Variants in MEI4 observed in about 807,000 individuals in gnomAD.
MEI4 encodes the protein meiotic double-stranded break formation protein 4, also known as meiosis-specific protein MEI4.
In MEI4, 27 loss-of-function variants were observed where a neutral mutation model predicts 31.4. That is an observed-to-expected ratio of 0.86 (90% CI 0.63 to 1.19). The LOEUF is 1.19. Among genes scored for constraint, MEI4 ranks in the 50% most tolerant of loss-of-function variants. The pLI is 0.00. For missense variants in MEI4, 329 were observed against 398.9 expected (o/e 0.82, Z 1.49); for synonymous variants, 122 against 145.4 (o/e 0.84, Z 1.16).
chr6:77,777,626 C>T (rs959419427), intron 3 of MEI4, among the ~76,000 whole-genome samples: 26 of 152,110 alleles, frequency 1.7e-4, no homozygotes, highest in African/African-American at 6.3e-4. Context: ...AGTGCACAAG[C>T]CTCACCCACG....
At chr6:77,916,443 G>A (rs1321133826) in intron 4 of MEI4, among the ~76,000 whole-genome samples, 1 of 151,770 alleles carries the variant, frequency 6.6e-6, no homozygotes, top group Non-Finnish European at 1.5e-5. Flanking sequence ...CATTATTTTG[G>A]TTATATTAGG....
At chr6:77,829,310 C>T (rs1300424418) in intron 4 of MEI4, among the ~76,000 whole-genome samples, 1 of 152,220 alleles carries the variant, frequency 6.6e-6, no homozygotes, top group South Asian at 2.1e-4. Flanking sequence ...TTGGTGACAG[C>T]AAAAGAGTGC....
At chr6:77,914,508 G>A (rs1581976370) in intron 4 of MEI4, among the ~76,000 whole-genome samples, 1 of 151,888 alleles carries the variant, frequency 6.6e-6, no homozygotes, top group South Asian at 2.1e-4. Flanking sequence ...TTCTAACATG[G>A]TCAATCCTGG....
rs188484270 is a variant in MEI4 at position 77,828,570 on chromosome 6, G to T, written c.769-361G>T. Among the ~76,000 whole-genome samples the T allele has an allele frequency of 1.4e-3, 212 of 152,066 alleles. 1 individual carries two copies. The highest frequency in any genetic ancestry group is 4.5e-3 in the African/African-American group (187 of 41,506). On this transcript the variant is annotated intron_variant, in intron 3 of 4. Transcript: ENST00000684080. ...CCTGGTGCCAAAAAGAATGATAGAT[G>T]ACCTATCTATCATCTATCTGGCTAA...
intron 4 of MEI4, among the ~76,000 whole-genome samples, chr6:77,915,165 T>C (rs1766516475): frequency 1.3e-5 from 2 of 152,110 alleles, no homozygotes; most frequent in Non-Finnish European, 2.9e-5. Flanking sequence ...CTATTGTGAT[T>C]TGGCAGTTTT....
chr6:77,731,980 G>T (rs1420161294), intron 2 of MEI4, among the ~76,000 whole-genome samples: 1 of 147,328 alleles, frequency 6.8e-6, no homozygotes, highest in African/African-American at 2.6e-5. Context: ...CTGTTCCATT[G>T]ATCTATATCT....
intron 4 of MEI4, among the ~76,000 whole-genome samples, chr6:77,841,333 A>ATATATATATTTTTTTTTTTTT: frequency 1.4e-4 from 4 of 27,734 alleles, no homozygotes; most frequent in African/African-American, 1.3e-3. Flanking sequence ...ATATATATAT[A>ATATATATATTTTTTTTTTTTT]TTTTTTTTTT....
intron 1 of MEI4, among the ~76,000 whole-genome samples, chr6:77,678,664 GAT>G (rs1294344002): frequency 6.6e-6 from 1 of 151,544 alleles, no homozygotes; most frequent in East Asian, 1.9e-4. Context: ...TATGTTATTT[GAT>G]TATGTATTTA....
At chr6:77,782,355 C>T (rs757162730) in intron 3 of MEI4, among the ~76,000 whole-genome samples, 2 of 152,054 alleles carry the variant, frequency 1.3e-5, no homozygotes, top group Non-Finnish European at 2.9e-5. Flanking sequence ...AAGATATCTT[C>T]TTCATATACT....
intron 4 of MEI4, among the ~76,000 whole-genome samples, chr6:77,878,026 A>T (rs920148257): frequency 1.5e-4 from 23 of 152,238 alleles, no homozygotes; most frequent in Middle Eastern, 3.4e-3. Flanking sequence ...AATAATTAAA[A>T]TATAATTCAG....
chr6:77,851,560 G>A (rs1204727498), intron 4 of MEI4, among the ~76,000 whole-genome samples: 14 of 144,454 alleles, frequency 9.7e-5, no homozygotes, highest in Admixed American at 2.2e-4. Flanking sequence ...GCATGTTCTC[G>A]CTCATAGGTG....
chr6:77,842,479 A>C (rs1770388656), intron 4 of MEI4, among the ~76,000 whole-genome samples: 1 of 151,374 alleles, frequency 6.6e-6, no homozygotes, highest in African/African-American at 2.5e-5. Flanking sequence ...AAGAAACTAG[A>C]ATAGCAAGGA....
intron 4 of MEI4, among the ~76,000 whole-genome samples, chr6:77,901,408 A>AC (rs1261922834): frequency 2.0e-5 from 3 of 152,126 alleles, no homozygotes; most frequent in African/African-American, 7.2e-5. Context: ...AGTCATCCTA[A>AC]CAGGTATGAG....
intron 4 of MEI4, among the ~76,000 whole-genome samples, chr6:77,841,909 G>A (rs1268592611): frequency 6.6e-6 from 1 of 152,102 alleles, no homozygotes; most frequent in Non-Finnish European, 1.5e-5. Context: ...ATGTGTGTGA[G>A]CCTACCAAAT....
intron 2 of MEI4, among the ~76,000 whole-genome samples, chr6:77,718,511 G>A (rs1255132110): frequency 5.1e-4 from 75 of 147,782 alleles, no homozygotes; most frequent in South Asian, 8.5e-4. Flanking sequence ...TACAGCAGCC[G>A]TAGCTGTGAC....
chr6:77,672,084 C>A (rs996364719), intron 1 of MEI4, among the ~76,000 whole-genome samples: 2 of 152,146 alleles, frequency 1.3e-5, no homozygotes, highest in African/African-American at 2.4e-5. Context: ...GTCAGCAGAA[C>A]GTCTGATTGT....
intron 1 of MEI4, among the ~76,000 whole-genome samples, chr6:77,659,075 C>T (rs1768452210): frequency 6.6e-6 from 1 of 152,212 alleles, no homozygotes; most frequent in South Asian, 2.1e-4. Flanking sequence ...TGTGATATGT[C>T]TGTGATGCTA....
At position 77,847,627 on chromosome 6, in the gene MEI4, AATC is replaced by A. The variant is rs1238366529; in HGVS notation, c.900+18567_900+18569del. 6.6e-6 allele frequency among the ~76,000 whole-genome samples: 1 copy of A among 152,164 alleles called. No individual in the cohort carries two copies. Among genetic ancestry groups the A allele is most frequent in the Non-Finnish European group, 1.5e-5 (1 of 68,016 alleles). ...TAATGCCTTCTATGAAGACTTCTCT[AATC>A]AGCATGGAAAGGAGCAGCCATTTCT... On this transcript the variant is annotated intron_variant, in intron 4 of 4. Transcript: ENST00000684080. The surrounding 1 kb of genome is among the most constrained non-coding windows in gnomAD (Gnocchi z 4.6).
At chr6:77,741,417 G>A (rs1386971325) in intron 2 of MEI4, among the ~76,000 whole-genome samples, 4 of 152,066 alleles carry the variant, frequency 2.6e-5, no homozygotes, top group African/African-American at 9.7e-5. Flanking sequence ...GAGGAGAACA[G>A]AACCAGAAGG....
Sources: gnomAD v4.1 joint callset for allele counts (sites outside exome capture counted in the v4.1 genomes callset) on GRCh38, gnomAD v4.1.1 for gene constraint, Gnocchi (gnomAD v3.1) non-coding constraint, MANE v1.5 for transcripts, NCBI Gene and HGNC (gene_info 2026-07-23, HGNC 2026-07-21) for gene names.